NUP153: variants seen among roughly 807,000 people sequenced by gnomAD.
NUP153 encodes nucleoporin 153.
In NUP153, 27 loss-of-function variants were observed where a neutral mutation model predicts 134.6. The observed-to-expected ratio is 0.20, with a 90% confidence interval of 0.15 to 0.28. The LOEUF (loss-of-function observed/expected upper bound fraction) is 0.28. Among genes scored for constraint, NUP153 ranks in the 10% least tolerant of loss-of-function variants. NUP153 has a pLI of 1.00. For synonymous variants in NUP153, 640 were observed against 623.5 expected (o/e 1.03, Z -0.40); for missense variants, 1,821 against 1,731.3 (o/e 1.05, Z -0.92).
At chr6:17,668,951 A>C in intron 8 of NUP153, 24 bp downstream of exon 8, 1 of 1,511,544 alleles carries the variant, frequency 6.6e-7, no homozygotes, top group Non-Finnish European at 9.0e-7. Flanking sequence ...CAGTTTAAAT[A>C]ACTAAATGCT....
In NUP153 at chr6:17,706,473, G is replaced by GCCCGGC. The variant is rs1316019380; in HGVS notation, c.-92_-87dup. 9.7e-7 allele frequency: 1 copy of GCCCGGC among 1,031,550 alleles called. No homozygotes were observed. Among genetic ancestry groups the GCCCGGC allele is most frequent in the South Asian group, 1.5e-5 (1 of 68,738 alleles). The allele number at this position is 1,031,550 out of a possible 1,614,324, so 63.9% of individuals were successfully genotyped here. ...GAGGCCTTAGAGAGCCTCCCCCGCC[G>GCCCGGC]CCCGGCCCCGGCCCAAAAGTCCGCC... On this transcript the variant is annotated 5_prime_UTR_variant, in exon 1 of 22. Coordinates refer to ENST00000262077, the MANE Select transcript of NUP153 (RefSeq NM_005124.4). This position sits in a 1 kb window ranked among gnomAD's most constrained non-coding sequence, Gnocchi z 5.9.
intron 2 of NUP153, among the ~76,000 whole-genome samples, chr6:17,683,220 C>T (rs1443108388): frequency 6.6e-6 from 1 of 152,120 alleles, no homozygotes; most frequent in African/African-American, 2.4e-5. Context: ...TTAGCCTTGA[C>T]TTGAAACTCA....
Position 17,639,926 on chromosome 6 carries a change from T to A in NUP153, c.1846+13A>T. On this transcript the variant is annotated intron_variant, in intron 15 of 21. Coordinates refer to ENST00000262077, the MANE Select transcript of NUP153 (RefSeq NM_005124.4). ...AGTTTGTAATCAAAAGGCTTATCTTTTAATTATCTTACCAGGGCTTTTCAG... is the reference window on the plus strand; with the variant it reads ...AGTTTGTAATCAAAAGGCTTATCTTATAATTATCTTACCAGGGCTTTTCAG... 1 of 1,592,856 alleles carries A rather than the reference T, an allele frequency of 6.3e-7. No individual in the cohort carries two copies. The highest frequency in any genetic ancestry group is 2.2e-5 in the East Asian group (1 of 44,664).
chr6:17,646,918 C>CTT (rs376244443), intron 13 of NUP153, among the ~76,000 whole-genome samples: 3,721 of 131,068 alleles, frequency 0.028, 107 homozygotes, highest in African/African-American at 0.067. Flanking sequence ...TCTGTATTTT[C>CTT]TTTTTTTTTT....
intron 11 of NUP153, chr6:17,652,044 C>A: frequency 5.2e-6 from 2 of 383,856 alleles, no homozygotes; most frequent in South Asian, 1.2e-4. Flanking sequence ...AGTGACATCT[C>A]ATCTCAAAAA....
intron 18 of NUP153, among the ~76,000 whole-genome samples, chr6:17,627,388 TTGAG>T (rs1392727705): frequency 1.3e-5 from 2 of 152,234 alleles, no homozygotes; most frequent in Non-Finnish European, 2.9e-5. Context: ...AAGGTTAATT[TTGAG>T]TGTTTCCAAT....
intron 17 of NUP153, among the ~76,000 whole-genome samples, chr6:17,630,348 T>C (rs1387319650): frequency 6.6e-6 from 1 of 152,064 alleles, no homozygotes; most frequent in Non-Finnish European, 1.5e-5. Flanking sequence ...AATTACAGAG[T>C]TGAAGCAATG....
chr6:17,705,169 C>T (rs143662967), intron 1 of NUP153, among the ~76,000 whole-genome samples: 61 of 152,308 alleles, frequency 4.0e-4, no homozygotes, highest in African/African-American at 1.3e-3. Flanking sequence ...GGAAGTCTAC[C>T]TTTAACAGTA....
intron 2 of NUP153, among the ~76,000 whole-genome samples, chr6:17,686,390 CT>C (rs377128114): frequency 2.9e-4 from 44 of 151,328 alleles, no homozygotes; most frequent in Admixed American, 5.9e-4. Context: ...GTTAACAAAC[CT>C]TTTTTTTATT....
intron 17 of NUP153, 91 bp from the exon 18 acceptor site, chr6:17,629,630 G>A: frequency 1.7e-6 from 2 of 1,196,196 alleles, no homozygotes; most frequent in Non-Finnish European, 2.3e-6. Flanking sequence ...AGAAACATAG[G>A]AGTAACTTTG....
chr6:17,630,293 A>G (rs1765169516), intron 17 of NUP153, among the ~76,000 whole-genome samples: 1 of 152,216 alleles, frequency 6.6e-6, no homozygotes, highest in African/African-American at 2.4e-5. Context: ...TAAATGTGTT[A>G]TTCACTCAAG....
At chr6:17,624,480 GA>G in intron 20 of NUP153, 80 bp downstream of exon 20, 12 of 1,345,378 alleles carry the variant, frequency 8.9e-6, no homozygotes, top group Non-Finnish European at 1.2e-5. Flanking sequence ...TTAGACATAT[GA>G]ATGGTTTCCA....
intron 1 of NUP153, among the ~76,000 whole-genome samples, chr6:17,691,449 T>C (rs1241625158): frequency 1.3e-5 from 2 of 152,162 alleles, no homozygotes; most frequent in African/African-American, 4.8e-5. Context: ...TTGAAAGTGT[T>C]TAAAAGCTAT....
chr6:17,686,824 G>C (rs908631254), intron 2 of NUP153, among the ~76,000 whole-genome samples: 2 of 141,516 alleles, frequency 1.4e-5, no homozygotes, highest in African/African-American at 2.6e-5. Context: ...CGTGCGAATA[G>C]AGTATAAACA....
chr6:17,670,170 C>A (rs1045020123), intron 5 of NUP153, among the ~76,000 whole-genome samples: 1 of 151,274 alleles, frequency 6.6e-6, no homozygotes, highest in Non-Finnish European at 1.5e-5. Context: ...CATACTTACA[C>A]CATTCTGTTA....
At chr6:17,689,316 G>C (rs887836244) in intron 1 of NUP153, among the ~76,000 whole-genome samples, 2 of 151,928 alleles carry the variant, frequency 1.3e-5, no homozygotes, top group African/African-American at 4.8e-5. Context: ...ATATCCAGGA[G>C]ACAGAGGTTA....
chr6:17,636,646 G>GA (rs1447187691), intron 16 of NUP153, among the ~76,000 whole-genome samples: 2 of 151,350 alleles, frequency 1.3e-5, no homozygotes, highest in Non-Finnish European at 2.9e-5. Flanking sequence ...CAGAGAAACA[G>GA]AAAAAACTCA....
chr6:17,646,481 C>CAGGCGTG (rs1249627106), intron 13 of NUP153, among the ~76,000 whole-genome samples: 1 of 152,194 alleles, frequency 6.6e-6, no homozygotes, highest in Non-Finnish European at 1.5e-5. Flanking sequence ...GCTGGGATTA[C>CAGGCGTG]AGGCGTGAGC....
At chr6:17,690,240 T>C (rs1769192321) in intron 1 of NUP153, among the ~76,000 whole-genome samples, 1 of 121,330 alleles carries the variant, frequency 8.2e-6, no homozygotes, top group Non-Finnish European at 2.0e-5. Flanking sequence ...TAGTCCCAGC[T>C]ACTCGGGAGG....
Sources: gnomAD v4.1 joint callset for allele counts (sites outside exome capture counted in the v4.1 genomes callset) on GRCh38, gnomAD v4.1.1 for gene constraint, Gnocchi (gnomAD v3.1) non-coding constraint, MANE v1.5 for transcripts, NCBI Gene and HGNC (gene_info 2026-07-23, HGNC 2026-07-21) for gene names.